The following FSTL5 variants were observed in gnomAD, a reference collection of about 807,000 sequenced individuals.
FSTL5 encodes the protein follistatin like 5.
In FSTL5, 62 loss-of-function variants were observed where a neutral mutation model predicts 89.1. The observed-to-expected ratio is 0.70, with a 90% CI of 0.57 to 0.86. The LOEUF (loss-of-function observed/expected upper bound fraction) is 0.86. FSTL5 is among the 40% of genes least tolerant of loss of function. FSTL5 has a pLI of 0.00. For synonymous variants in FSTL5, 383 were observed against 346.2 expected, an observed-to-expected ratio of 1.11 and a Z score of -1.18; for missense variants, 1,057 against 1,001.6, an observed-to-expected ratio of 1.06 and a Z score of -0.75.
chr4:161,621,113 G>GTACC (rs1735105487), intron 7 of FSTL5, among the ~76,000 whole-genome samples: 1 of 152,122 alleles, frequency 6.6e-6, no homozygotes, highest in Admixed American at 6.6e-5. Flanking sequence ...TTCACAAGAT[G>GTACC]TACCGTATGG....
chr4:161,885,077 A>G (rs902232970), intron 4 of FSTL5, among the ~76,000 whole-genome samples: 1 of 152,178 alleles, frequency 6.6e-6, no homozygotes, highest in East Asian at 1.9e-4. Context: ...GATAGATATT[A>G]TCAAAAGTTA....
intron 2 of FSTL5, among the ~76,000 whole-genome samples, chr4:162,104,532 C>T (rs1201952908): frequency 6.6e-6 from 1 of 152,206 alleles, no homozygotes. Flanking sequence ...CAAACAGGCT[C>T]ATACAACAGA....
intron 7 of FSTL5, among the ~76,000 whole-genome samples, chr4:161,604,125 T>G (rs1734352591): frequency 6.6e-6 from 1 of 152,218 alleles, no homozygotes; most frequent in African/African-American, 2.4e-5. Context: ...AGTATTTGCT[T>G]CTTACTTTCA....
chr4:161,511,607 T>C (rs747490676), intron 10 of FSTL5, among the ~76,000 whole-genome samples: 3 of 152,116 alleles, frequency 2.0e-5, no homozygotes, highest in Admixed American at 6.6e-5. Context: ...TTAATGATTG[T>C]GATAATCATT....
rs370535921 is a variant in FSTL5 at position 161,427,666 on chromosome 4, CT to C, written c.1841+27337del. Among the ~76,000 whole-genome samples the C allele has an allele frequency of 2.2e-3, 335 of 152,252 alleles. 1 individual carries two copies. Among genetic ancestry groups the C allele is most frequent in the African/African-American group, 7.7e-3 (321 of 41,550 alleles). ...CCCTAAATAAACTGCTTGAAATCAG[CT>C]TGGTGTCTGCTTCTTAATGGACTCA... On this transcript the variant is annotated intron_variant, in intron 15 of 15. Coordinates refer to ENST00000306100, the MANE Select transcript of FSTL5 (RefSeq NM_020116.5).
chr4:161,690,772 A>G (rs924104554), intron 6 of FSTL5, among the ~76,000 whole-genome samples: 7 of 152,044 alleles, frequency 4.6e-5, no homozygotes, highest in Admixed American at 3.9e-4. Context: ...CCTAGTACCC[A>G]TTAGTCATTT....
intron 3 of FSTL5, among the ~76,000 whole-genome samples, chr4:161,986,098 C>T (rs1735956033): frequency 6.6e-6 from 1 of 151,986 alleles, no homozygotes; most frequent in East Asian, 1.9e-4. Context: ...ACCCTTACAC[C>T]TAAAGTAATT....
At chr4:161,524,934 G>A (rs1172727411) in intron 10 of FSTL5, among the ~76,000 whole-genome samples, 2 of 151,168 alleles carry the variant, frequency 1.3e-5, no homozygotes, top group Non-Finnish European at 1.5e-5. Context: ...CTCTAGCCTG[G>A]GCAACAGAGC....
chr4:161,761,073 T>A (rs1406503157), intron 5 of FSTL5, among the ~76,000 whole-genome samples: 2 of 152,154 alleles, frequency 1.3e-5, no homozygotes, highest in Admixed American at 1.3e-4. Flanking sequence ...GTATCAGTGT[T>A]AAAATTATAT....
At chr4:161,411,884 A>C (rs2110938524) in intron 15 of FSTL5, among the ~76,000 whole-genome samples, 1 of 152,316 alleles carries the variant, frequency 6.6e-6, no homozygotes, top group South Asian at 2.1e-4. Context: ...GCATCCAAAT[A>C]GGAAAATAAT....
Position 161,546,664 on chromosome 4 carries a change from C to T in FSTL5, c.1016-3971G>A, listed in dbSNP as rs1578914990. ...ACGCAAGCATCTAGCAGAACCTACA[C>T]AAAAAGTAGTATAAAATCTAAAAAG... On this transcript the variant is annotated intron_variant, in intron 8 of 15. Coordinates refer to ENST00000306100, the MANE Select transcript of FSTL5 (RefSeq NM_020116.5). Among the ~76,000 whole-genome samples, 3 of 151,776 alleles carry T rather than the reference C, an allele frequency of 2.0e-5. No individual in the cohort carries two copies. In the South Asian group the frequency reaches 6.2e-4, roughly 31 times the overall value.
At chr4:161,980,155 T>A (rs796618540) in intron 3 of FSTL5, among the ~76,000 whole-genome samples, 14 of 82,478 alleles carry the variant, frequency 1.7e-4, no homozygotes, top group East Asian at 3.1e-4. Context: ...AGGATAAAGA[T>A]AAAGAAAGAA....
chr4:161,396,056 T>C (rs926967665), intron 15 of FSTL5, among the ~76,000 whole-genome samples: 1 of 152,012 alleles, frequency 6.6e-6, no homozygotes, highest in African/African-American at 2.4e-5. Flanking sequence ...CTTGACCAGT[T>C]AGGGCCTTCC....
At chr4:161,468,185 G>A (rs931319678) in intron 13 of FSTL5, among the ~76,000 whole-genome samples, 3 of 151,572 alleles carry the variant, frequency 2.0e-5, no homozygotes, top group African/African-American at 7.3e-5. Flanking sequence ...AGAGCTGAGT[G>A]AGCGACCCCC....
At chr4:161,861,346 C>T (rs933199445) in intron 4 of FSTL5, among the ~76,000 whole-genome samples, 2 of 151,952 alleles carry the variant, frequency 1.3e-5, no homozygotes, top group Non-Finnish European at 2.9e-5. Context: ...CGTTTGAACC[C>T]GGGAGGCAGA....
Position 162,064,068 on chromosome 4 carries a change from AT to A in FSTL5, c.127-30411del, listed in dbSNP as rs1265753662. Reference sequence around the variant, plus strand: ...TTTTTCTATCTTCTCTCTGTTAATTATTTAGCTGTTTCTTCTTTTGTATATT... The same window carrying A: ...TTTTTCTATCTTCTCTCTGTTAATTATTAGCTGTTTCTTCTTTTGTATATT... On this transcript the variant is annotated intron_variant, in intron 2 of 15. Transcript: ENST00000306100. Among the ~76,000 whole-genome samples the A allele has an allele frequency of 2.6e-5, 4 of 151,918 alleles. No homozygotes were observed. The East Asian group carries it at 7.7e-4, about 29-fold the overall frequency.
chr4:162,086,746 T>C (rs892290291), intron 2 of FSTL5, among the ~76,000 whole-genome samples: 5 of 152,004 alleles, frequency 3.3e-5, no homozygotes, highest in Admixed American at 1.3e-4. Context: ...TAAAACTTCA[T>C]TTCTAGATAC....
chr4:161,755,498 G>T (rs1439371016), intron 6 of FSTL5, among the ~76,000 whole-genome samples: 1 of 151,932 alleles, frequency 6.6e-6, no homozygotes, highest in African/African-American at 2.4e-5. Context: ...GTTTACCTTT[G>T]TATCGACCAG....
chr4:161,906,121 T>C (rs985010536), intron 4 of FSTL5, among the ~76,000 whole-genome samples: 1 of 150,862 alleles, frequency 6.6e-6, no homozygotes, highest in African/African-American at 2.4e-5. Context: ...GTGGTTAAAG[T>C]AAAGAAATTC....
Sources: gnomAD v4.1 joint callset for allele counts (sites outside exome capture counted in the v4.1 genomes callset) on GRCh38, gnomAD v4.1.1 for gene constraint, MANE v1.5 for transcripts, NCBI Gene and HGNC (gene_info 2026-07-23, HGNC 2026-07-21) for gene names.